Variants in GALNT14 observed in about 807,000 individuals in gnomAD.
GALNT14 encodes the protein polypeptide N-acetylgalactosaminyltransferase 14, also known as UDP-GalNAc:polypeptide N-acetylgalactosaminyltransferase 14.
GALNT14 carries 60 observed loss-of-function variants against 77.5 expected under a neutral mutation model. The ratio of observed to expected loss-of-function variants is 0.77; its 90% CI spans 0.63 to 0.96. GALNT14 has a LOEUF of 0.96. Ranked by LOEUF, GALNT14 falls within the 40% of genes least tolerant of loss-of-function variation. The probability of loss-of-function intolerance (pLI) is 0.00; values close to 1 mark genes in which losing one functional copy is unlikely to be tolerated. For synonymous variants in GALNT14, 280 were observed against 281.7 expected, an observed-to-expected ratio of 0.99 and a Z score of 0.06; for missense variants, 710 against 731.0, an observed-to-expected ratio of 0.97 and a Z score of 0.33.
chr2:31,088,252 A>C (rs1362387494), intron 1 of GALNT14, among the ~76,000 whole-genome samples: 1 of 152,178 alleles, frequency 6.6e-6, no homozygotes, highest in Non-Finnish European at 1.5e-5. Context: ...CCGCTTCTAG[A>C]AGTCTGGCTA....
chr2:31,083,571 G>C (rs948004399), intron 1 of GALNT14, among the ~76,000 whole-genome samples: 1 of 152,318 alleles, frequency 6.6e-6, no homozygotes, highest in East Asian at 1.9e-4. Context: ...CCTTCACCCA[G>C]TTTTAACCTC....
At chr2:30,967,516 G>T (rs567108934) in intron 2 of GALNT14, among the ~76,000 whole-genome samples, 1 of 152,178 alleles carries the variant, frequency 6.6e-6, no homozygotes, top group Admixed American at 6.5e-5. Flanking sequence ...CTGGGCGTGG[G>T]TCATCCAGGA....
chr2:31,090,481 C>CTTT (rs70962302), intron 1 of GALNT14, among the ~76,000 whole-genome samples: 4 of 93,244 alleles, frequency 4.3e-5, no homozygotes, highest in African/African-American at 8.9e-5. Flanking sequence ...GTCCCTTCAT[C>CTTT]TTTTTTTTTT....
intron 1 of GALNT14, among the ~76,000 whole-genome samples, chr2:31,076,643 TACATGTACA>T: frequency 6.8e-6 from 1 of 147,594 alleles, no homozygotes; most frequent in Admixed American, 6.8e-5. Flanking sequence ...TTTTTTTTTT[TACATGTACA>T]TATACATTTA....
At chr2:30,910,145 G>T (rs189521356), downstream of GALNT14, among the ~76,000 whole-genome samples, 753 of 151,606 alleles carry the variant, frequency 5.0e-3, 20 homozygotes, top group Admixed American at 0.046. Context: ...CACCAGCATG[G>T]CACATGTATA....
intron 1 of GALNT14, among the ~76,000 whole-genome samples, chr2:31,105,908 T>C (rs1187832659): frequency 1.3e-5 from 2 of 152,212 alleles, no homozygotes; most frequent in Non-Finnish European, 2.9e-5. Context: ...CTTCTTTCCA[T>C]GTTTAGAAAT....
At chr2:31,052,250 T>C (rs2148521386) in intron 1 of GALNT14, among the ~76,000 whole-genome samples, 1 of 152,202 alleles carries the variant, frequency 6.6e-6, no homozygotes, top group South Asian at 2.1e-4. Flanking sequence ...GCACTCCACA[T>C]GGCACCAAGT....
At chr2:30,904,482 C>T in the GALNT14 span, among the ~76,000 whole-genome samples, 10 of 152,308 alleles carry the variant, frequency 6.6e-5, no homozygotes, top group South Asian at 2.1e-4. Flanking sequence ...CACTCCCACC[C>T]GAATACTGCG....
chr2:30,904,963 C>A, the GALNT14 span, among the ~76,000 whole-genome samples: 1 of 151,996 alleles, frequency 6.6e-6, no homozygotes, highest in African/African-American at 2.4e-5. Flanking sequence ...TGACACCTCA[C>A]ACGGCAGGGT....
At position 30,910,933 on chromosome 2, in the gene GALNT14, T is replaced by C. The variant is rs373001089; in HGVS notation, c.1627A>G (p.Met543Val). The C allele has an allele frequency of 5.1e-5, 83 of 1,613,926 alleles. 1 individual carries two copies. In the African/African-American group the frequency reaches 1.0e-3, roughly 20 times the overall value. ...IVVNPCESSL[M>V]SQHWDMVSS Reference sequence around the variant, plus strand: ...CTCACCATGTCCCAGTGCTGGCTCATGAGTGAGGACTCACATGGGTTGACG... The same window carrying C: ...CTCACCATGTCCCAGTGCTGGCTCACGAGTGAGGACTCACATGGGTTGACG... Residue 543 changes from methionine to valine, a missense_variant, in exon 15 of 15, where the codon ATG becomes GTG. Coordinates refer to ENST00000349752, the MANE Select transcript of GALNT14 (RefSeq NM_024572.4).
intron 1 of GALNT14, among the ~76,000 whole-genome samples, chr2:31,070,108 A>C (rs1199838159): frequency 1.3e-5 from 2 of 152,224 alleles, no homozygotes; most frequent in East Asian, 3.9e-4. Flanking sequence ...CCACCACTGG[A>C]GTGATGTCCC....
At chr2:31,136,229 T>C (rs909214493) in intron 1 of GALNT14, among the ~76,000 whole-genome samples, 5 of 151,974 alleles carry the variant, frequency 3.3e-5, no homozygotes, top group African/African-American at 1.2e-4. Flanking sequence ...ACCCACAAGA[T>C]TCTACCCCAC....
the GALNT14 span, among the ~76,000 whole-genome samples, chr2:30,894,077 G>C: frequency 3.9e-5 from 6 of 151,900 alleles, no homozygotes. Flanking sequence ...GAGGGGCCTG[G>C]AATCTGTAGC....
chr2:31,055,785 TG>T (rs1303875631), intron 1 of GALNT14, among the ~76,000 whole-genome samples: 3 of 152,202 alleles, frequency 2.0e-5, no homozygotes, highest in Non-Finnish European at 4.4e-5. Context: ...GTACGGTGAC[TG>T]GCTGCTTTAT....
At chr2:31,088,559 G>C (rs916394641) in intron 1 of GALNT14, among the ~76,000 whole-genome samples, 1 of 152,184 alleles carries the variant, frequency 6.6e-6, no homozygotes, top group African/African-American at 2.4e-5. Context: ...CCCACAACTT[G>C]GAGCCCAGCT....
chr2:30,927,145 G>C (rs887019575), intron 11 of GALNT14, among the ~76,000 whole-genome samples: 5 of 152,150 alleles, frequency 3.3e-5, no homozygotes, highest in African/African-American at 9.7e-5. Context: ...TCCCAAACTT[G>C]TCCCCATGTT....
intron 13 of GALNT14, among the ~76,000 whole-genome samples, chr2:30,916,911 T>C (rs72853885): frequency 0.22 from 32,842 of 151,224 alleles, 3,756 homozygotes; most frequent in South Asian, 0.26. Context: ...ACCCCATCTC[T>C]ACCAAATATA....
At chr2:31,126,303 C>T (rs1437542195) in intron 1 of GALNT14, among the ~76,000 whole-genome samples, 1 of 152,130 alleles carries the variant, frequency 6.6e-6, no homozygotes, top group Non-Finnish European at 1.5e-5. Context: ...TTCACAGACT[C>T]AACGTGGCTG....
intron 1 of GALNT14, among the ~76,000 whole-genome samples, chr2:31,112,296 G>A (rs114473554): frequency 2.8e-4 from 43 of 152,292 alleles, no homozygotes; most frequent in African/African-American, 1.0e-3. Context: ...AACAACACTG[G>A]TACATCGGAG....
Sources: allele counts gnomAD v4.1 joint callset (sites outside exome capture counted in the v4.1 genomes callset), GRCh38; gene constraint gnomAD v4.1.1; transcripts MANE v1.5; gene names NCBI Gene and HGNC (gene_info 2026-07-23, HGNC 2026-07-21).